The following HELZ variants were observed in gnomAD, a reference collection of about 807,000 sequenced individuals.
HELZ encodes the protein helicase with zinc finger, also known as ATP-dependent RNA helicase with zinc finger domain.
Under a neutral mutation model 218.2 loss-of-function variants are expected in HELZ, and 23 were observed. The observed-to-expected ratio is 0.11, with a 90% CI of 0.08 to 0.15. The LOEUF (loss-of-function observed/expected upper bound fraction) is 0.15. Among genes scored for constraint, HELZ ranks in the 10% least tolerant of loss-of-function variants. The pLI, the probability that HELZ is intolerant of heterozygous loss-of-function variation, is 1.00. For missense variants in HELZ, 1,813 were observed against 2,353.7 expected, an observed-to-expected ratio of 0.77 and a Z score of 4.75; for synonymous variants, 814 against 829.4, an observed-to-expected ratio of 0.98 and a Z score of 0.32.
chr17:67,135,782 TC>T (rs1273645862), intron 23 of HELZ, among the ~76,000 whole-genome samples, 187 bp downstream of exon 23: 2 of 152,212 alleles, frequency 1.3e-5, no homozygotes, highest in African/African-American at 4.8e-5. Flanking sequence ...GAATAATGGC[TC>T]AATGAATACA....
chr17:67,167,118 A>G (rs1420153171), intron 14 of HELZ, among the ~76,000 whole-genome samples: 1 of 152,214 alleles, frequency 6.6e-6, no homozygotes, highest in Non-Finnish European at 1.5e-5. Flanking sequence ...TAATTCACCT[A>G]AAAACCCATA....
intron 10 of HELZ, among the ~76,000 whole-genome samples, 164 bp from the exon 11 acceptor site, chr17:67,189,860 T>G (rs917579762): frequency 6.6e-6 from 1 of 152,164 alleles, no homozygotes; most frequent in Non-Finnish European, 1.5e-5. Flanking sequence ...GAACAAAATA[T>G]AGTAAAGCTA....
At chr17:67,143,619 A>G in intron 21 of HELZ, among the ~76,000 whole-genome samples, 1 of 151,550 alleles carries the variant, frequency 6.6e-6, no homozygotes, top group African/African-American at 2.4e-5. Flanking sequence ...AAAAAAACAA[A>G]GAAAAAAAAA....
At chr17:67,173,394 T>A (rs1873856170) in intron 13 of HELZ, among the ~76,000 whole-genome samples, 1 of 152,188 alleles carries the variant, frequency 6.6e-6, no homozygotes, top group South Asian at 2.1e-4. Context: ...CATTTTAAAA[T>A]CATCCTTAAA....
chr17:67,142,191 T>C (rs1039857837), intron 21 of HELZ, among the ~76,000 whole-genome samples: 2 of 151,862 alleles, frequency 1.3e-5, no homozygotes, highest in Admixed American at 6.6e-5. Flanking sequence ...AATCCAACCA[T>C]ATCAGTAACA....
chr17:67,194,201 T>C (rs760224747), intron 8 of HELZ, among the ~76,000 whole-genome samples, 159 bp from the exon 9 acceptor site: 4 of 152,148 alleles, frequency 2.6e-5, no homozygotes, highest in Non-Finnish European at 5.9e-5. Context: ...AATCTACCAA[T>C]CAACTACATA....
intron 31 of HELZ, among the ~76,000 whole-genome samples, chr17:67,092,896 G>GA (rs564238394): frequency 1.3e-5 from 2 of 151,578 alleles, no homozygotes; most frequent in Admixed American, 1.3e-4. Context: ...AACCGGCGGG[G>GA]GGGGGAAGTT....
chr17:67,089,060 T>TA, intron 31 of HELZ, among the ~76,000 whole-genome samples: 1 of 93,454 alleles, frequency 1.1e-5, no homozygotes, highest in African/African-American at 5.5e-5. Flanking sequence ...TCTATGACTA[T>TA]CCCGAGTGTT....
intron 13 of HELZ, among the ~76,000 whole-genome samples, chr17:67,178,228 C>T (rs2039512627): frequency 6.6e-6 from 1 of 152,052 alleles, no homozygotes; most frequent in Non-Finnish European, 1.5e-5. Flanking sequence ...TTTTATTAAC[C>T]CGTTTTCCTG....
At position 67,107,530 on chromosome 17, in the gene HELZ, T is replaced by C. The variant is rs1280811149; in HGVS notation, c.4880A>G (p.His1627Arg). ...AVPSPPSSTD[H>R]SSHFSNFNDN... ...ATTAAAGTTAGAAAAGTGGCTACTG[T>C]GGTCTGTACTGGATGGGGGAGATGG... Residue 1627 changes from histidine to arginine, a missense_variant, in exon 31 of 33, where the codon CAC (histidine) becomes CGC (arginine). Transcript: ENST00000358691. 2.5e-6 allele frequency: 4 copies of C among 1,614,182 alleles called. No homozygotes were observed. Among genetic ancestry groups the C allele is most frequent in the Non-Finnish European group, 3.4e-6 (4 of 1,180,030 alleles).
chr17:67,114,840 A>G (rs994745219), intron 27 of HELZ, among the ~76,000 whole-genome samples: 4 of 152,240 alleles, frequency 2.6e-5, no homozygotes, highest in African/African-American at 9.6e-5. Flanking sequence ...TAAACATAAT[A>G]AAGATATTCA....
intron 5 of HELZ, 111 bp downstream of exon 5, chr17:67,215,782 CACCACA>C: frequency 1.4e-6 from 1 of 717,978 alleles, no homozygotes; most frequent in Admixed American, 2.3e-5. Context: ...AGTCACTAGC[CACCACA>C]GTAAGGTGGG....
intron 27 of HELZ, 46 bp from the exon 28 acceptor site, chr17:67,114,449 T>C: frequency 3.6e-6 from 4 of 1,096,266 alleles, no homozygotes; most frequent in Non-Finnish European, 4.2e-6. Flanking sequence ...CCAGTGGATA[T>C]GACACTTCCA....
intron 19 of HELZ, among the ~76,000 whole-genome samples, chr17:67,149,412 A>G (rs1439447828): frequency 6.6e-6 from 1 of 152,156 alleles, no homozygotes; most frequent in Non-Finnish European, 1.5e-5. Flanking sequence ...ATATTCAAAT[A>G]TATAAAATCA....
rs139425323 is a variant in HELZ at position 67,123,230 on chromosome 17, C to T, written c.3440-70G>A. The T allele has an allele frequency of 1.4e-4, 114 of 818,426 alleles. 1 individual carries two copies. The East Asian group carries it at 3.1e-3, about 22-fold the overall frequency. 50.7% of individuals were successfully genotyped at this position (818,426 alleles called of 1,614,324 possible). The stretch of plus-strand genomic sequence containing the variant: ...GTCATCCAGAAAAAATAATTTAAAT[C>T]ATTCAACAGCAAAATATATTTCCCA... On this transcript the variant is annotated intron_variant, in intron 25 of 32. Coordinates refer to ENST00000358691, the MANE Select transcript of HELZ (RefSeq NM_014877.4).
At position 67,073,127 on chromosome 17, in the gene HELZ, A is replaced by G. The variant is rs2035936683; in HGVS notation, c.*5125T>C. The G allele has an allele frequency of 6.6e-6, 1 of 152,258 alleles. No individual in the cohort carries two copies. Among genetic ancestry groups the G allele is most frequent in the Non-Finnish European group, 1.5e-5 (1 of 68,024 alleles). The allele number at this position is 152,258 out of a possible 1,614,324, so 9.4% of individuals were successfully genotyped here. ...TGACTTCTACTCTGTGTTGCAACCT[A>G]TGTAATTTGCCACCCTTTCCCCTTT... On this transcript the variant is annotated 3_prime_UTR_variant, in exon 33 of 33. Transcript: ENST00000358691.
chr17:67,150,834 A>G (rs1457880417), intron 18 of HELZ, among the ~76,000 whole-genome samples: 2 of 152,234 alleles, frequency 1.3e-5, no homozygotes, highest in South Asian at 2.1e-4. Flanking sequence ...TGTGGACCAT[A>G]TAATGAATCT....
At chr17:67,228,613 G>C (rs1322861682) in intron 3 of HELZ, among the ~76,000 whole-genome samples, 1 of 150,324 alleles carries the variant, frequency 6.7e-6, no homozygotes, top group Non-Finnish European at 1.5e-5. Flanking sequence ...AGTGAGCAGA[G>C]ATCACCCCAC....
At chr17:67,114,802 C>T (rs566546017) in intron 27 of HELZ, among the ~76,000 whole-genome samples, 14 of 152,232 alleles carry the variant, frequency 9.2e-5, no homozygotes, top group South Asian at 2.1e-4. Context: ...ATCTAAATAA[C>T]GCCTCAATCT....
Sources: gnomAD v4.1 joint callset for allele counts (sites outside exome capture counted in the v4.1 genomes callset) on GRCh38, gnomAD v4.1.1 for gene constraint, MANE v1.5 for transcripts, NCBI Gene and HGNC (gene_info 2026-07-23, HGNC 2026-07-21) for gene names.